Variants in ULK4 observed in about 807,000 individuals in gnomAD.
ULK4 encodes the protein unc-51 like kinase 4, also known as inactive serine/threonine-protein kinase ULK4.
ULK4 carries 133 observed loss-of-function variants against 160.6 expected under a neutral mutation model. The observed-to-expected ratio is 0.83, with a 90% CI of 0.72 to 0.96. The LOEUF (loss-of-function observed/expected upper bound fraction) is 0.96, where lower values mean the gene tolerates loss of function less well. Among genes scored for constraint, ULK4 ranks in the 40% least tolerant of loss-of-function variants. ULK4 has a pLI of 0.00. For synonymous variants in ULK4, 534 were observed against 539.8 expected (o/e 0.99, Z 0.15); for missense variants, 1,580 against 1,499.5 (o/e 1.05, Z -0.89).
At chr3:41,521,200 A>G (rs940893315) in intron 32 of ULK4, among the ~76,000 whole-genome samples, 2 of 152,138 alleles carry the variant, frequency 1.3e-5, no homozygotes, top group Non-Finnish European at 2.9e-5. Flanking sequence ...CTGACACACT[A>G]AAATTTTAGT....
At chr3:41,935,066 G>T (rs186204714) in intron 4 of ULK4, among the ~76,000 whole-genome samples, 3 of 132,792 alleles carry the variant, frequency 2.3e-5, no homozygotes, top group African/African-American at 8.4e-5. Context: ...TGTCACCCAG[G>T]CTGGAGTGCA....
At chr3:41,296,199 A>G (rs1415098057) in intron 35 of ULK4, among the ~76,000 whole-genome samples, 2 of 152,220 alleles carry the variant, frequency 1.3e-5, no homozygotes, top group Non-Finnish European at 2.9e-5. Context: ...GATGCAGTGC[A>G]TGTGTGGAGG....
rs1251633702 is a variant in ULK4, at chr3:41,413,206, G to C, written c.3493-14942C>G. Among the ~76,000 whole-genome samples the C allele has an allele frequency of 2.6e-5, 4 of 152,094 alleles. No homozygotes were observed. In the East Asian group the frequency reaches 7.7e-4, roughly 29 times the overall value. On this transcript the variant is annotated intron_variant, in intron 34 of 36. Coordinates refer to ENST00000301831, the MANE Select transcript of ULK4 (RefSeq NM_017886.4). ...ACTTACTACCAGGGGAACAGTATGG[G>C]GGAAACTGCCCCCATGATTAAATTA...
chr3:41,300,504 CG>C (rs2079763282), intron 35 of ULK4, among the ~76,000 whole-genome samples: 1 of 152,018 alleles, frequency 6.6e-6, no homozygotes, highest in Non-Finnish European at 1.5e-5. Context: ...AGGATTTTGT[CG>C]TAAGTTTTCA....
intron 27 of ULK4, among the ~76,000 whole-genome samples, chr3:41,693,497 G>A (rs1282199783): frequency 2.0e-5 from 3 of 152,084 alleles, no homozygotes; most frequent in African/African-American, 7.2e-5. Flanking sequence ...AAATCTCTAA[G>A]AACTGATATG....
At chr3:41,960,890 A>C (rs554111517) in intron 1 of ULK4, among the ~76,000 whole-genome samples, 2 of 152,178 alleles carry the variant, frequency 1.3e-5, no homozygotes, top group Non-Finnish European at 2.9e-5. Flanking sequence ...AAGTCAGGAA[A>C]TAGGACTTTG....
At chr3:41,691,671 C>T (rs2036305297) in intron 27 of ULK4, among the ~76,000 whole-genome samples, 1 of 151,794 alleles carries the variant, frequency 6.6e-6, no homozygotes, top group African/African-American at 2.4e-5. Flanking sequence ...AAAGTAGTGG[C>T]TAAATTGTCT....
chr3:41,869,087 T>C (rs1421905640), intron 17 of ULK4: 1 of 152,176 alleles, frequency 6.6e-6, no homozygotes, highest in African/African-American at 2.4e-5. Context: ...CATGGCACTA[T>C]GATTAGCCAA....
At position 41,473,661 on chromosome 3, in the gene ULK4, C is replaced by CAAAAAAAAAAAAAAA. The variant is rs1294599838; in HGVS notation, c.3227-10409_3227-10408insTTTTTTTTTTTTTTT. 6.7e-4 allele frequency among the ~76,000 whole-genome samples: 17 copies of CAAAAAAAAAAAAAAA among 25,282 alleles called. 2 individuals carry two copies. The highest frequency in any genetic ancestry group is 2.9e-3 in the African/African-American group (16 of 5,496). The allele number at this position is 25,282 out of a possible 152,430, so 16.6% of individuals were successfully genotyped here. ...TGGGCAACAGAATGAGATTCTGTCT[C>CAAAAAAAAAAAAAAA]AAAGAAAAAAAAAAAAAAAAAAAGA... On this transcript the variant is annotated intron_variant, in intron 32 of 36. Coordinates refer to ENST00000301831, the MANE Select transcript of ULK4 (RefSeq NM_017886.4).
chr3:41,947,101 GA>G (rs1700133803), intron 2 of ULK4, among the ~76,000 whole-genome samples: 1 of 152,230 alleles, frequency 6.6e-6, no homozygotes, highest in Non-Finnish European at 1.5e-5. Flanking sequence ...GCCGAGGCGG[GA>G]GGATCACAAG....
At chr3:41,889,976 T>C (rs974196038) in intron 16 of ULK4, among the ~76,000 whole-genome samples, 2 of 152,156 alleles carry the variant, frequency 1.3e-5, no homozygotes, top group Admixed American at 1.3e-4. Context: ...TTGAAAACAT[T>C]ATGCTAAATG....
chr3:41,439,320 T>C (rs1272303194), intron 34 of ULK4, among the ~76,000 whole-genome samples: 1 of 152,072 alleles, frequency 6.6e-6, no homozygotes, highest in Non-Finnish European at 1.5e-5. Flanking sequence ...TACCACTAGA[T>C]AGAAAGCAGT....
chr3:41,740,507 T>C (rs145653460), intron 22 of ULK4, among the ~76,000 whole-genome samples: 25 of 151,942 alleles, frequency 1.6e-4, no homozygotes, highest in Admixed American at 1.6e-3. Flanking sequence ...TTTGGAGAAA[T>C]AGGTGGACAT....
At chr3:41,765,949 T>A (rs2039147078) in intron 21 of ULK4, among the ~76,000 whole-genome samples, 1 of 152,136 alleles carries the variant, frequency 6.6e-6, no homozygotes, top group South Asian at 2.1e-4. Flanking sequence ...AAGTGAGTAG[T>A]CAAAGACACA....
chr3:41,794,565 G>A lies in ULK4; in HGVS notation c.2011-4722C>T, dbSNP rs186484061. ...AATCTCAACTACTTAGGAGGCTGAGGCAGGAGAATCGCTTGAACCCAGGAG... is the reference window on the plus strand; with the variant it reads ...AATCTCAACTACTTAGGAGGCTGAGACAGGAGAATCGCTTGAACCCAGGAG... On this transcript the variant is annotated intron_variant, in intron 20 of 36. Transcript: ENST00000301831. Among the ~76,000 whole-genome samples, 3 of 148,350 alleles carry A rather than the reference G, an allele frequency of 2.0e-5. No individual in the cohort carries two copies. In the East Asian group the frequency reaches 6.0e-4, roughly 30 times the overall value.
chr3:41,912,164 C>T (rs1035570690), intron 9 of ULK4, among the ~76,000 whole-genome samples: 6 of 151,958 alleles, frequency 3.9e-5, no homozygotes, highest in Non-Finnish European at 8.8e-5. Context: ...CCTGTCTCTA[C>T]TAAAAATACA....
Position 41,907,844 on chromosome 3 carries a change from C to T in ULK4, c.1182+1G>A. On this transcript the variant is annotated splice_donor_variant, in intron 12 of 36. Coordinates refer to ENST00000301831, the MANE Select transcript of ULK4 (RefSeq NM_017886.4). LOFTEE classifies it high-confidence loss of function. Reference sequence around the variant, plus strand: ...GAAGAAAATTTCCCAAGTCTGCTCACCTTGGTCAGAGGAGAAGTCTTCTGT... The same window carrying T: ...GAAGAAAATTTCCCAAGTCTGCTCATCTTGGTCAGAGGAGAAGTCTTCTGT... The T allele has an allele frequency of 1.3e-6, 2 of 1,566,450 alleles. No homozygotes were observed. Among genetic ancestry groups the T allele is most frequent in the Admixed American group, 1.9e-5 (1 of 51,288 alleles).
chr3:41,853,197 T>C (rs959930727), intron 17 of ULK4, among the ~76,000 whole-genome samples: 4 of 152,186 alleles, frequency 2.6e-5, no homozygotes, highest in African/African-American at 9.6e-5. Flanking sequence ...ATTTAGTAGA[T>C]CTGGGGTAAG....
chr3:41,520,273 T>C (rs1027941933), intron 32 of ULK4, among the ~76,000 whole-genome samples: 2 of 151,862 alleles, frequency 1.3e-5, no homozygotes, highest in Non-Finnish European at 2.9e-5. Flanking sequence ...ATAAATTTGA[T>C]TTTTCTAGGT....
Sources: allele counts gnomAD v4.1 joint callset (sites outside exome capture counted in the v4.1 genomes callset), GRCh38; gene constraint gnomAD v4.1.1; transcripts MANE v1.5; gene names NCBI Gene and HGNC (gene_info 2026-07-23, HGNC 2026-07-21).